The following PSMA1 variants were observed in gnomAD, a reference collection of about 807,000 sequenced individuals.
PSMA1 encodes proteasome subunit alpha type-1.
A neutral mutation model predicts 38.4 loss-of-function variants in PSMA1; 3 were observed. The ratio of observed to expected loss-of-function variants is 0.08; its 90% confidence interval spans 0.04 to 0.20. The LOEUF is 0.20. Among genes scored for constraint, PSMA1 ranks in the 10% least tolerant of loss-of-function variants. The probability of loss-of-function intolerance (pLI) is 1.00; values close to 1 mark genes in which losing one functional copy is unlikely to be tolerated. For missense variants in PSMA1, 227 were observed against 325.3 expected, an observed-to-expected ratio of 0.70 and a Z score of 2.32; for synonymous variants, 101 against 107.1, an observed-to-expected ratio of 0.94 and a Z score of 0.35.
At chr11:14,601,475 T>C (rs1852579430) in intron 2 of PSMA1, among the ~76,000 whole-genome samples, 1 of 152,172 alleles carries the variant, frequency 6.6e-6, no homozygotes, top group African/African-American at 2.4e-5. Flanking sequence ...TCTAGCTACC[T>C]GCATTATTGC....
intron 2 of PSMA1, among the ~76,000 whole-genome samples, chr11:14,553,158 A>C (rs1382004381): frequency 6.6e-6 from 1 of 152,124 alleles, no homozygotes; most frequent in East Asian, 1.9e-4. Flanking sequence ...TTTTTTTGGA[A>C]ACTTTTTATT....
At chr11:14,505,945 A>G (rs2134139696) in intron 9 of PSMA1, among the ~76,000 whole-genome samples, 1 of 152,278 alleles carries the variant, frequency 6.6e-6, no homozygotes, top group South Asian at 2.1e-4. Context: ...CAGGAGTTCA[A>G]CCTTGCAGTG....
In PSMA1 at chr11:14,534,847, A is replaced by G. The variant is rs1851685408; in HGVS notation, c.22-15806T>C. On this transcript the variant is annotated intron_variant, in intron 2 of 10. Transcript: ENST00000418988. This position sits in a 1 kb window ranked among gnomAD's most constrained non-coding sequence, Gnocchi z 4.5. ...CTGTAATCCCAGCACTTTGGGAGGC[A>G]GGCAGATCTCCTGAGATCAGGAATT... is the stretch of plus-strand genomic sequence containing the variant. Among the ~76,000 whole-genome samples the G allele has an allele frequency of 6.6e-6, 1 of 152,200 alleles. No individual in the cohort carries two copies. Among genetic ancestry groups the G allele is most frequent in the African/African-American group, 2.4e-5 (1 of 41,444 alleles).
At chr11:14,532,435 C>T (rs375352744) in intron 2 of PSMA1, among the ~76,000 whole-genome samples, 2 of 150,322 alleles carry the variant, frequency 1.3e-5, no homozygotes, top group African/African-American at 2.4e-5. Flanking sequence ...TGAAACCCCA[C>T]CTCTACTAAA....
At chr11:14,634,014 A>T (rs908430610) in intron 1 of PSMA1, among the ~76,000 whole-genome samples, 2 of 152,118 alleles carry the variant, frequency 1.3e-5, no homozygotes, top group African/African-American at 4.8e-5. Context: ...CGGTGTGCAC[A>T]CCCACTGACC....
intron 1 of PSMA1, among the ~76,000 whole-genome samples, chr11:14,631,305 T>C (rs1002806568): frequency 5.3e-5 from 8 of 152,222 alleles, no homozygotes; most frequent in Non-Finnish European, 8.8e-5. Flanking sequence ...GGGCATTTAG[T>C]GCAATAAATT....
chr11:14,613,156 T>C (rs1047904690), intron 1 of PSMA1, among the ~76,000 whole-genome samples: 4 of 151,924 alleles, frequency 2.6e-5, no homozygotes, highest in Non-Finnish European at 4.4e-5. Context: ...AGTAATAAAG[T>C]CAATAATTTT....
At chr11:14,517,621 A>AT in intron 4 of PSMA1, 21 bp downstream of exon 4, 2 of 1,483,246 alleles carry the variant, frequency 1.3e-6, no homozygotes, top group South Asian at 1.3e-5. Flanking sequence ...AAGGATGTTT[A>AT]TTTTTCATGA....
At chr11:14,608,160 G>C (rs1852665420) in intron 2 of PSMA1, among the ~76,000 whole-genome samples, 1 of 152,090 alleles carries the variant, frequency 6.6e-6, no homozygotes, top group East Asian at 1.9e-4. Context: ...AGACCAACTT[G>C]GGCAACATGG....
At chr11:14,512,375 A>G (rs1257744527) in intron 7 of PSMA1, among the ~76,000 whole-genome samples, 1 of 151,880 alleles carries the variant, frequency 6.6e-6, no homozygotes, top group Non-Finnish European at 1.5e-5. Flanking sequence ...ACCCCGTCTC[A>G]GGAAAAAAAA....
chr11:14,505,654 T>TAA (rs199916676), intron 9 of PSMA1, among the ~76,000 whole-genome samples: 1 of 150,526 alleles, frequency 6.6e-6, no homozygotes, highest in East Asian at 1.9e-4. Context: ...CCTAGAAATA[T>TAA]AAAAAAAAAG....
At chr11:14,634,190 TCCC>T (rs762193139) in intron 1 of PSMA1, among the ~76,000 whole-genome samples, 4 of 151,644 alleles carry the variant, frequency 2.6e-5, no homozygotes, top group Admixed American at 1.3e-4. Context: ...CCCAAAATCA[TCCC>T]CCCCGGTCTG....
At chr11:14,633,120 G>A (rs1234118797) in intron 1 of PSMA1, among the ~76,000 whole-genome samples, 47 of 152,180 alleles carry the variant, frequency 3.1e-4, no homozygotes, top group Non-Finnish European at 5.4e-4. Flanking sequence ...ATCATCTGAA[G>A]CCTTCTTCTC....
rs963725540 is a variant in PSMA1, at chr11:14,640,021, T to C, written c.-166+3434A>G. The stretch of plus-strand genomic sequence containing the variant: ...CTAAGGAACCACATCTTCACCATTA[T>C]ATCTTTGTCATCTAGCACAGTGTCC... On this transcript the variant is annotated intron_variant, in intron 1 of 10. Transcript: ENST00000418988. Among the ~76,000 whole-genome samples the C allele has an allele frequency of 2.0e-5, 3 of 152,200 alleles. No homozygotes were observed. In the East Asian group the frequency reaches 5.8e-4, roughly 29 times the overall value.
rs1239202977 is a variant in PSMA1, at chr11:14,511,074, A to C, written c.545-123T>G. ...ACACACTAAATTTATCACAGTAAAA[A>C]CAGCCAAGTTTAATGCTAGTCATAT... On this transcript the variant is annotated intron_variant, in intron 7 of 9. Transcript: ENST00000396394. 5 of 526,588 alleles carry C rather than the reference A, an allele frequency of 9.5e-6. No homozygotes were observed. The Admixed American group carries it at 2.0e-4, about 21-fold the overall frequency. The allele number at this position is 526,588 out of a possible 1,614,324, so 32.6% of individuals were successfully genotyped here. A position where few individuals can be genotyped will look rare whatever the true frequency, so the allele number is the denominator to read the frequency against.
chr11:14,537,163 C>T (rs781492171), intron 2 of PSMA1, among the ~76,000 whole-genome samples: 4 of 152,120 alleles, frequency 2.6e-5, no homozygotes, highest in Non-Finnish European at 5.9e-5. Flanking sequence ...GTAATATGTC[C>T]TTTAAAACTA....
intron 2 of PSMA1, among the ~76,000 whole-genome samples, chr11:14,597,005 C>T (rs12798939): frequency 4.6e-5 from 7 of 152,050 alleles, no homozygotes; most frequent in Admixed American, 6.6e-5. Context: ...GAGATAATCA[C>T]GTGGTTTTTC....
chr11:14,520,073 G>A (rs1195404065), intron 1 of PSMA1: 3 of 650,964 alleles, frequency 4.6e-6, no homozygotes, highest in Non-Finnish European at 8.0e-6. Flanking sequence ...AAGTGTCGGA[G>A]GCTCCCCGGG....
upstream of PSMA1, among the ~76,000 whole-genome samples, chr11:14,522,680 C>T (rs1314066505): frequency 6.6e-6 from 1 of 152,120 alleles, no homozygotes; most frequent in Non-Finnish European, 1.5e-5. Flanking sequence ...TGGATTGCCA[C>T]TTCATTCCTT....
Sources: gnomAD v4.1 joint callset for allele counts (sites outside exome capture counted in the v4.1 genomes callset) on GRCh38, gnomAD v4.1.1 for gene constraint, Gnocchi (gnomAD v3.1) non-coding constraint, MANE v1.5 for transcripts, NCBI Gene and HGNC (gene_info 2026-07-23, HGNC 2026-07-21) for gene names.